The following DGKI variants were observed in gnomAD, a reference collection of about 807,000 sequenced individuals.
DGKI encodes the protein DAG kinase iota.
A neutral mutation model predicts 147.5 loss-of-function variants in DGKI; 55 were observed. That is an observed-to-expected ratio of 0.37 (90% CI 0.30 to 0.47). The LOEUF is 0.47. DGKI is among the 20% of genes least tolerant of loss of function. The probability of loss-of-function intolerance (pLI) is 1.00; values close to 1 mark genes in which losing one functional copy is unlikely to be tolerated. For missense variants in DGKI, 1,007 were observed against 1,323.8 expected (o/e 0.76, Z 3.71); for synonymous variants, 469 against 477.1 (o/e 0.98, Z 0.22).
chr7:137,767,435 C>T, intron 1 of DGKI, among the ~76,000 whole-genome samples: 1 of 140,540 alleles, frequency 7.1e-6, no homozygotes, highest in East Asian at 2.2e-4. Flanking sequence ...GGACATACAA[C>T]TTCCATCTAA....
At chr7:137,458,547 C>T (rs923721228) in intron 27 of DGKI, among the ~76,000 whole-genome samples, 2 of 152,136 alleles carry the variant, frequency 1.3e-5, no homozygotes, top group Admixed American at 1.3e-4. Context: ...GATTCAGAAA[C>T]AAAAGCAGTG....
chr7:137,386,310 A>G lies in DGKI; in HGVS notation c.*4910T>C, dbSNP rs1201571768. 6.6e-6 allele frequency: 1 copy of G among 152,088 alleles called. No homozygotes were observed. The highest frequency in any genetic ancestry group is 1.5e-5 in the Non-Finnish European group (1 of 67,984). 9.4% of individuals were successfully genotyped at this position (152,088 alleles called of 1,614,324 possible). On this transcript the variant is annotated 3_prime_UTR_variant, in exon 33 of 33. Transcript: ENST00000614521. The stretch of plus-strand genomic sequence containing the variant: ...TGTAAAACCAAAGATGGCCCTCAGC[A>G]GTGTAAAATCTATAACCTAGTCCTC...
chr7:137,630,813 T>C (rs1821099481), intron 6 of DGKI, among the ~76,000 whole-genome samples: 1 of 152,238 alleles, frequency 6.6e-6, no homozygotes, highest in Non-Finnish European at 1.5e-5. Context: ...TTTATATCTT[T>C]GTCCTAGAAC....
chr7:137,689,845 C>T lies in DGKI; in HGVS notation c.510+49G>A, dbSNP rs781050698. On this transcript the variant is annotated intron_variant, in intron 2 of 32. Transcript: ENST00000614521. ...CTAGAGGAATCCTGAGAATGAGAGA[C>T]ACAAAACATGCACTGAAGTGATGTT... The T allele has an allele frequency of 7.9e-6, 10 of 1,269,552 alleles. No individual in the cohort carries two copies. In the South Asian group the frequency reaches 1.4e-4, roughly 18 times the overall value. The allele number at this position is 1,269,552 out of a possible 1,614,324, so 78.6% of individuals were successfully genotyped here. A position where few individuals can be genotyped will look rare whatever the true frequency, so the allele number is the denominator to read the frequency against.
intron 6 of DGKI, among the ~76,000 whole-genome samples, chr7:137,626,026 G>C (rs1262873703): frequency 6.6e-6 from 1 of 152,184 alleles, no homozygotes; most frequent in Admixed American, 6.5e-5. Flanking sequence ...GGAGGAATTA[G>C]GCACATCCTG....
At chr7:137,773,290 C>G (rs3778817) in intron 1 of DGKI, among the ~76,000 whole-genome samples, 1 of 152,132 alleles carries the variant, frequency 6.6e-6, no homozygotes, top group Non-Finnish European at 1.5e-5. Flanking sequence ...AAAAACTCTG[C>G]AAAGACATGA....
chr7:137,422,983 A>C (rs1812639979), intron 28 of DGKI, among the ~76,000 whole-genome samples: 1 of 152,164 alleles, frequency 6.6e-6, no homozygotes, highest in Admixed American at 6.5e-5. Flanking sequence ...CATTTGAATG[A>C]AATAATATGT....
chr7:137,486,735 C>G (rs924887254), intron 22 of DGKI, among the ~76,000 whole-genome samples: 7 of 152,058 alleles, frequency 4.6e-5, no homozygotes, highest in Non-Finnish European at 7.4e-5. Context: ...GAAGTGGTTA[C>G]AACTCAGAGG....
intron 28 of DGKI, among the ~76,000 whole-genome samples, chr7:137,413,351 C>A (rs534923384): frequency 6.6e-6 from 1 of 151,630 alleles, no homozygotes. Context: ...TATTGCATGA[C>A]GCTGAGGTTT....
intron 1 of DGKI, among the ~76,000 whole-genome samples, chr7:137,738,029 T>A (rs1795074334): frequency 6.6e-6 from 1 of 152,128 alleles, no homozygotes; most frequent in Non-Finnish European, 1.5e-5. Context: ...CAAGCTTTAT[T>A]AAGAGTTTTC....
intron 18 of DGKI, among the ~76,000 whole-genome samples, chr7:137,571,796 A>T (rs1226895755): frequency 2.0e-5 from 3 of 152,146 alleles, no homozygotes; most frequent in African/African-American, 4.8e-5. Context: ...GGGAAACAGA[A>T]GAAATTGGAG....
chr7:137,841,297 T>C (rs1353704705), intron 1 of DGKI, among the ~76,000 whole-genome samples: 4 of 152,240 alleles, frequency 2.6e-5, no homozygotes, highest in Non-Finnish European at 5.9e-5. Context: ...GGTATTTTTA[T>C]TTCTCCAATT....
At chr7:137,535,051 A>T (rs1039008669) in intron 20 of DGKI, among the ~76,000 whole-genome samples, 11 of 152,152 alleles carry the variant, frequency 7.2e-5, no homozygotes, top group African/African-American at 9.7e-5. Context: ...TGACACCTTC[A>T]TTCAGACTTT....
At chr7:137,620,941 A>G (rs1056063299) in intron 7 of DGKI, among the ~76,000 whole-genome samples, 7 of 152,254 alleles carry the variant, frequency 4.6e-5, no homozygotes, top group Non-Finnish European at 1.0e-4. Context: ...ATTATTTATC[A>G]TTTTAACTGG....
At chr7:137,427,261 C>G (rs1212269068) in intron 28 of DGKI, among the ~76,000 whole-genome samples, 1 of 152,180 alleles carries the variant, frequency 6.6e-6, no homozygotes, top group Non-Finnish European at 1.5e-5. Context: ...CAAAACCACT[C>G]AACTACATGG....
At chr7:137,514,497 TTA>T (rs1195689556) in intron 21 of DGKI, among the ~76,000 whole-genome samples, 1 of 152,172 alleles carries the variant, frequency 6.6e-6, no homozygotes, top group African/African-American at 2.4e-5. Context: ...TAGACAGCTT[TTA>T]TGAGTTATTT....
At chr7:137,618,151 A>ATATATATATATATATAT in intron 8 of DGKI, among the ~76,000 whole-genome samples, 2 of 10,466 alleles carry the variant, frequency 1.9e-4, no homozygotes, top group African/African-American at 1.2e-4. Flanking sequence ...ATATATATAT[A>ATATATATATATATATAT]TTTTTTTTTT....
At chr7:137,685,705 G>C (rs1823392784) in intron 2 of DGKI, among the ~76,000 whole-genome samples, 1 of 152,144 alleles carries the variant, frequency 6.6e-6, no homozygotes, top group Admixed American at 6.5e-5. Context: ...GTCAGAGGGG[G>C]CAGCTGCTGC....
At chr7:137,837,575 G>C (rs374044008) in intron 1 of DGKI, among the ~76,000 whole-genome samples, 1 of 152,182 alleles carries the variant, frequency 6.6e-6, no homozygotes, top group African/African-American at 2.4e-5. Flanking sequence ...CAGTCACAAG[G>C]GTGGGGCGCT....
Sources: gnomAD v4.1 joint callset for allele counts (sites outside exome capture counted in the v4.1 genomes callset) on GRCh38, gnomAD v4.1.1 for gene constraint, MANE v1.5 for transcripts, NCBI Gene and HGNC (gene_info 2026-07-23, HGNC 2026-07-21) for gene names.